The following IL17RE variants were observed in gnomAD, a reference collection of about 807,000 sequenced individuals.
The protein encoded by IL17RE is interleukin-17 receptor E.
A neutral mutation model predicts 70.7 loss-of-function variants in IL17RE; 47 were observed. The ratio of observed to expected loss-of-function variants is 0.67; its 90% CI spans 0.53 to 0.85. The LOEUF is 0.85. Among genes scored for constraint, IL17RE ranks in the 40% least tolerant of loss-of-function variants. The pLI is 0.00. For missense variants in IL17RE, 850 were observed against 893.9 expected, an observed-to-expected ratio of 0.95 and a Z score of 0.63; for synonymous variants, 372 against 381.2, an observed-to-expected ratio of 0.98 and a Z score of 0.28.
chr3:9,915,963 GC>G lies in IL17RE; in HGVS notation c.*159del, dbSNP rs2083052221. ...CCTGCCTCACAGGCCGGAAGTCCCA[GC>G]CCAGTCCCCGCGCGCGTCCCTCTTC... On this transcript the variant is annotated 3_prime_UTR_variant, in exon 16 of 16. Coordinates refer to ENST00000383814, the MANE Select transcript of IL17RE (RefSeq NM_153480.2). This position sits in a 1 kb window ranked among gnomAD's most constrained non-coding sequence, Gnocchi z 4.9. 7.8e-7 allele frequency: 1 copy of G among 1,274,294 alleles called. No individual in the cohort carries two copies. The highest frequency in any genetic ancestry group is 1.0e-6 in the Non-Finnish European group (1 of 995,640). 78.9% of individuals were successfully genotyped at this position (1,274,294 alleles called of 1,614,324 possible). A position where few individuals can be genotyped will look rare whatever the true frequency, so the allele number is the denominator to read the frequency against.
At chr3:9,911,807 C>CTTT (rs1301505891) in intron 12 of IL17RE, 6 of 396,190 alleles carry the variant, frequency 1.5e-5, no homozygotes, top group African/African-American at 2.2e-5. Context: ...TTCTTTTTTT[C>CTTT]TTTTTTTTTT....
intron 1 of IL17RE, 75 bp downstream of exon 1, chr3:9,903,139 G>A: frequency 7.5e-7 from 1 of 1,339,428 alleles, no homozygotes; most frequent in Non-Finnish European, 1.1e-6. Flanking sequence ...CCTGCCCTGT[G>A]CTACCTCCGC....
chr3:9,914,822 C>T lies in IL17RE; in HGVS notation c.1447+45C>T, dbSNP rs377179385. 209 of 1,478,946 alleles carry T rather than the reference C, an allele frequency of 1.4e-4. 1 individual carries two copies. The highest frequency in any genetic ancestry group is 8.8e-4 in the Middle Eastern group (4 of 4,546). 91.6% of individuals were successfully genotyped at this position (1,478,946 alleles called of 1,614,324 possible). A position where few individuals can be genotyped will look rare whatever the true frequency, so the allele number is the denominator to read the frequency against. ...CCTGGGAAGTCAGACCTGCCCAGCTCGGAGACTAGCTGCCCCCTCACCCTC... is the reference window on the plus strand; with the variant it reads ...CCTGGGAAGTCAGACCTGCCCAGCTTGGAGACTAGCTGCCCCCTCACCCTC... On this transcript the variant is annotated intron_variant, in intron 15 of 15. Transcript: ENST00000383814.
intron 12 of IL17RE, among the ~76,000 whole-genome samples, chr3:9,913,729 A>C (rs556402244): frequency 6.6e-6 from 1 of 152,238 alleles, no homozygotes; most frequent in Non-Finnish European, 1.5e-5. Flanking sequence ...GGACACACTC[A>C]GAGTCTGTCT....
In IL17RE at chr3:9,904,063, G is replaced by T. The variant is rs1559266348; in HGVS notation, c.180G>T (p.Trp60Cys). 1.2e-6 allele frequency: 2 copies of T among 1,614,120 alleles called. No individual in the cohort carries two copies. Among genetic ancestry groups the T allele is most frequent in the Admixed American group, 3.3e-5 (2 of 60,018 alleles). The change falls in exon 3 of 16, where the codon TGG becomes TGT. Residue 60 changes from tryptophan (W) to cysteine (C), a missense_variant. Physicochemically the swap from Trp to Cys is radical, Grantham distance 215. Transcript: ENST00000383814. Reference sequence around the variant, plus strand: ...CTGCCTATATCCCTTGCCGCACCTGGTGGGCCCTCTTCTCCACAAAGCCTT... The same window carrying T: ...CTGCCTATATCCCTTGCCGCACCTGTTGGGCCCTCTTCTCCACAAAGCCTT... ...GSSAYIPCRTWWALFSTKPWC... is the reference protein window; with the variant it reads ...GSSAYIPCRTCWALFSTKPWC...
At chr3:9,906,177 A>G (rs2082750359) in intron 3 of IL17RE, among the ~76,000 whole-genome samples, 187 bp from the exon 4 acceptor site, 1 of 152,152 alleles carries the variant, frequency 6.6e-6, no homozygotes, top group African/African-American at 2.4e-5. Flanking sequence ...TGAACTTGGG[A>G]GGTGGAGGCT....
At chr3:9,904,240 G>C (rs1197308756) in intron 3 of IL17RE, 89 bp downstream of exon 3, 1 of 1,472,516 alleles carries the variant, frequency 6.8e-7, no homozygotes, top group African/African-American at 1.4e-5. Flanking sequence ...TACTAGAACA[G>C]ATATTTGTCT....
chr3:9,913,507 G>A (rs1238610137), intron 12 of IL17RE, among the ~76,000 whole-genome samples: 3 of 152,146 alleles, frequency 2.0e-5, no homozygotes, highest in Admixed American at 6.5e-5. Flanking sequence ...CTACCTCCAT[G>A]CAAGGACCAC....
In IL17RE at chr3:9,915,901, G is replaced by GGGT; in HGVS notation, c.*96_*98dup. 7.3e-7 allele frequency: 1 copy of GGGT among 1,372,168 alleles called. No individual in the cohort carries two copies. Among genetic ancestry groups the GGGT allele is most frequent in the South Asian group, 1.7e-5 (1 of 57,186 alleles). The allele number at this position is 1,372,168 out of a possible 1,614,324, so 85.0% of individuals were successfully genotyped here. The stretch of plus-strand genomic sequence containing the variant: ...TGAGCCTTCGACCCTGAAATCCTTG[G>GGGT]GGTGCCTCGAGGACGACTGGCCGAA... On this transcript the variant is annotated 3_prime_UTR_variant, in exon 16 of 16. Transcript: ENST00000383814. This position sits in a 1 kb window ranked among gnomAD's most constrained non-coding sequence, Gnocchi z 4.9.
Position 9,915,766 on chromosome 3 carries a change from C to A in IL17RE, c.1963C>A (p.Arg655=). 6.5e-7 allele frequency: 1 copy of A among 1,533,918 alleles called. No homozygotes were observed. Among genetic ancestry groups the A allele is most frequent in the Non-Finnish European group, 8.7e-7 (1 of 1,152,148 alleles). The change falls in exon 16 of 16, where the codon CGG becomes AGG. Residue 655 remains arginine, a synonymous_variant. Transcript: ENST00000383814. The surrounding 1 kb of genome is among the most constrained non-coding windows in gnomAD (Gnocchi z 4.9). ...RRQSRLELCS[R]LEREAARLAD... ...GCAGAGCCGCCTAGAGCTGTGCAGC[C>A]GGCTCGAACGAGAGGCCGCCCGACT...
intron 5 of IL17RE, 31 bp from the exon 6 acceptor site, chr3:9,906,930 G>C: frequency 6.2e-7 from 1 of 1,614,162 alleles, no homozygotes; most frequent in Non-Finnish European, 8.5e-7. Flanking sequence ...AAGGCCAAGA[G>C]ACAAGGCCAC....
Position 9,916,106 on chromosome 3 carries a change from C to A in IL17RE, c.*299C>A. ...AGAGCAGTGTGCTTATGCTTCAGTCCAGGCTGGAGAGGTTGGGGCCGGGGT... is the reference window on the plus strand; with the variant it reads ...AGAGCAGTGTGCTTATGCTTCAGTCAAGGCTGGAGAGGTTGGGGCCGGGGT... On this transcript the variant is annotated 3_prime_UTR_variant, in exon 16 of 16. Transcript: ENST00000383814. 1 of 322,472 alleles carries A rather than the reference C, an allele frequency of 3.1e-6. No individual in the cohort carries two copies. Among genetic ancestry groups the A allele is most frequent in the Non-Finnish European group, 5.5e-6 (1 of 182,084 alleles). The allele number at this position is 322,472 out of a possible 1,614,324, so 20.0% of individuals were successfully genotyped here. A position where few individuals can be genotyped will look rare whatever the true frequency, so the allele number is the denominator to read the frequency against.
Position 9,904,105 on chromosome 3 carries a change from G to A in IL17RE, c.222G>A (p.Trp74Ter). 1 of 1,614,186 alleles carries A rather than the reference G, an allele frequency of 6.2e-7. No individual in the cohort carries two copies. Among genetic ancestry groups the A allele is most frequent in the Non-Finnish European group, 8.5e-7 (1 of 1,180,026 alleles). ...CAAAGCCTTGGTGTGTGCGAGTCTG[G>A]CACTGTTCCCGCTGTTTGTGCCAGC... ...FSTKPWCVRV[W>*]HCSRCLCQHL... Residue 74 changes from tryptophan to a stop codon, truncating the protein, a stop_gained, in exon 3 of 16, where the codon TGG (tryptophan) becomes TGA (stop). Coordinates refer to ENST00000383814, the MANE Select transcript of IL17RE (RefSeq NM_153480.2). LOFTEE classifies it high-confidence loss of function.
At chr3:9,911,375 C>G (rs961468282) in intron 11 of IL17RE, 68 bp from the exon 12 acceptor site, 1 of 1,612,736 alleles carries the variant, frequency 6.2e-7, no homozygotes, top group Non-Finnish European at 8.5e-7. Flanking sequence ...AAGCTAAACC[C>G]CAGCCCAGCC....
chr3:9,902,487 T>C (rs146375008), upstream of IL17RE: 7 of 818,796 alleles, frequency 8.5e-6, no homozygotes, highest in Non-Finnish European at 1.2e-5. Flanking sequence ...TGCTGAGTAG[T>C]GCTTAAGAGC....
chr3:9,905,094 CAAAAAAAAA>C (rs71626946), intron 3 of IL17RE, among the ~76,000 whole-genome samples: 4 of 56,162 alleles, frequency 7.1e-5, no homozygotes, highest in African/African-American at 2.1e-4. Flanking sequence ...GACCCTGTCT[CAAAAAAAAA>C]AAAAAAAAAA....
At position 9,902,940 on chromosome 3, in the gene IL17RE, G is replaced by A. The variant is rs2082669472; in HGVS notation, c.8G>A (p.Ser3Asn). The change falls in exon 1 of 16, where the codon AGC (serine) becomes AAC (asparagine). Residue 3 changes from serine (S) to asparagine (N), a missense_variant. Coordinates refer to ENST00000383814, the MANE Select transcript of IL17RE (RefSeq NM_153480.2). The part of the protein sequence containing the change: MG[S>N]SRLAALLLPL... The stretch of plus-strand genomic sequence containing the variant: ...CTAATTGCACAGAAGCCCATGGGGA[G>A]CTCCAGACTGGCAGCCCTGCTCCTG... 1.2e-6 allele frequency: 2 copies of A among 1,614,106 alleles called. No individual in the cohort carries two copies. Among genetic ancestry groups the A allele is most frequent in the Non-Finnish European group, 1.7e-6 (2 of 1,180,026 alleles).
In IL17RE at chr3:9,916,030, T is replaced by A; in HGVS notation, c.*223T>A. Reference sequence around the variant, plus strand: ...CTTGACTGAGAGCTCCTCTAACCCCTGTTCTGATGGGGGAGGGCGGTCTTC... The same window carrying A: ...CTTGACTGAGAGCTCCTCTAACCCCAGTTCTGATGGGGGAGGGCGGTCTTC... On this transcript the variant is annotated 3_prime_UTR_variant, in exon 16 of 16. Transcript: ENST00000383814. 1 of 670,736 alleles carries A rather than the reference T, an allele frequency of 1.5e-6. No individual in the cohort carries two copies. Among genetic ancestry groups the A allele is most frequent in the Non-Finnish European group, 2.2e-6 (1 of 462,764 alleles). The allele number at this position is 670,736 out of a possible 1,614,324, so 41.5% of individuals were successfully genotyped here. A position where few individuals can be genotyped will look rare whatever the true frequency, so the allele number is the denominator to read the frequency against.
At chr3:9,905,476 G>A (rs1185394258) in intron 3 of IL17RE, among the ~76,000 whole-genome samples, 2 of 150,200 alleles carry the variant, frequency 1.3e-5, no homozygotes, top group East Asian at 2.0e-4. Context: ...AAGGAAGGAA[G>A]GAACGAAGGA....
Sources: gnomAD v4.1 joint callset for allele counts (sites outside exome capture counted in the v4.1 genomes callset) on GRCh38, gnomAD v4.1.1 for gene constraint, Gnocchi (gnomAD v3.1) non-coding constraint, MANE v1.5 for transcripts, NCBI Gene and HGNC (gene_info 2026-07-23, HGNC 2026-07-21) for gene names.